Variants in WWOX observed in about 807,000 individuals in gnomAD.
The protein encoded by WWOX is WW domain containing oxidoreductase.
WWOX carries 69 observed loss-of-function variants against 46.2 expected under a neutral mutation model. The ratio of observed to expected loss-of-function variants is 1.49; its 90% confidence interval spans 1.23 to 1.82. WWOX has a LOEUF of 1.82. Among genes scored for constraint, WWOX ranks in the 40% most tolerant of loss-of-function variants. The probability of loss-of-function intolerance (pLI) is 0.00; values close to 1 mark genes in which losing one functional copy is unlikely to be tolerated. For missense variants in WWOX, 919 were observed against 542.6 expected, an observed-to-expected ratio of 1.69 and a Z score of -6.89; for synonymous variants, 359 against 202.6, an observed-to-expected ratio of 1.77 and a Z score of -6.56.
At chr16:78,190,000 C>G (rs1015861194) in intron 5 of WWOX, among the ~76,000 whole-genome samples, 1 of 152,182 alleles carries the variant, frequency 6.6e-6, no homozygotes, top group Non-Finnish European at 1.5e-5. Flanking sequence ...CCACCCAAAC[C>G]TTTCCTATTG....
At chr16:78,570,521 T>G (rs993330747) in intron 8 of WWOX, among the ~76,000 whole-genome samples, 1 of 152,038 alleles carries the variant, frequency 6.6e-6, no homozygotes, top group Non-Finnish European at 1.5e-5. Context: ...CGCTTGTTGC[T>G]CAGGCTGGTC....
At chr16:79,108,581 A>G (rs558389615) in intron 8 of WWOX, among the ~76,000 whole-genome samples, 1 of 152,236 alleles carries the variant, frequency 6.6e-6, no homozygotes, top group Non-Finnish European at 1.5e-5. Context: ...GGCTATTTTC[A>G]TCATCAAGAA....
intron 8 of WWOX, among the ~76,000 whole-genome samples, chr16:78,695,698 G>T (rs565164546): frequency 7.2e-5 from 11 of 152,212 alleles, no homozygotes; most frequent in Non-Finnish European, 1.6e-4. Context: ...ATGGATCAAA[G>T]GAATGAAGGA....
At chr16:79,111,735 A>G (rs2049420549) in intron 8 of WWOX, among the ~76,000 whole-genome samples, 1 of 152,156 alleles carries the variant, frequency 6.6e-6, no homozygotes, top group South Asian at 2.1e-4. Context: ...CACAGTGACA[A>G]AAGTATTTAG....
intron 8 of WWOX, among the ~76,000 whole-genome samples, chr16:78,736,819 G>C (rs1338123051): frequency 6.6e-6 from 1 of 152,030 alleles, no homozygotes; most frequent in Admixed American, 6.5e-5. Flanking sequence ...GTCTTGCCCT[G>C]GCTGGTCTCA....
At chr16:78,880,177 A>G (rs963585895) in intron 8 of WWOX, among the ~76,000 whole-genome samples, 10 of 152,206 alleles carry the variant, frequency 6.6e-5, no homozygotes, top group African/African-American at 2.2e-4. Context: ...GACATCAGAA[A>G]AGACAACAGT....
chr16:78,785,283 C>G (rs2050427273), intron 8 of WWOX, among the ~76,000 whole-genome samples: 1 of 152,218 alleles, frequency 6.6e-6, no homozygotes. Flanking sequence ...CAACCTTTGG[C>G]TGCAGAAATT....
intron 5 of WWOX, among the ~76,000 whole-genome samples, chr16:78,380,967 C>G (rs896641479): frequency 2.0e-5 from 3 of 152,040 alleles, no homozygotes; most frequent in Non-Finnish European, 1.5e-5. Flanking sequence ...ATCTAATCTT[C>G]ACTCTAACCA....
At chr16:78,690,962 C>G (rs756805244) in intron 8 of WWOX, among the ~76,000 whole-genome samples, 6 of 152,100 alleles carry the variant, frequency 3.9e-5, no homozygotes, top group Non-Finnish European at 7.4e-5. Flanking sequence ...TTTGTGAAAC[C>G]AGGCCTCAAT....
At chr16:79,129,665 A>G (rs553326811) in intron 8 of WWOX, among the ~76,000 whole-genome samples, 191 of 152,310 alleles carry the variant, frequency 1.3e-3, no homozygotes, top group African/African-American at 4.5e-3. Context: ...GCATCCCAAC[A>G]TTCCTTTATG....
Position 78,386,911 on chromosome 16 carries a change from G to C in WWOX, c.568G>C (p.Val190Leu). The C allele has an allele frequency of 6.2e-7, 1 of 1,614,104 alleles. No individual in the cohort carries two copies. The highest frequency in any genetic ancestry group is 8.5e-7 in the Non-Finnish European group (1 of 1,180,004). Residue 190 changes from valine (V) to leucine (L), a missense_variant, in exon 6 of 9, where the codon GTG becomes CTG. Physicochemically the swap from Val to Leu is conservative, Grantham distance 32 (BLOSUM62 1). Transcript: ENST00000566780. ...MTLDLALLRS[V>L]QHFAEAFKAK... ...CCTGGACCTCGCTCTGCTCCGTAGC[G>C]TGCAGCATTTTGCTGAAGCATTCAA...
intron 8 of WWOX, among the ~76,000 whole-genome samples, chr16:78,832,041 C>A (rs1050795427): frequency 2.6e-5 from 4 of 152,172 alleles, no homozygotes; most frequent in Non-Finnish European, 5.9e-5. Flanking sequence ...CAAATTACCC[C>A]AAAATGTAAG....
At chr16:78,104,792 T>C (rs2032037663) in intron 1 of WWOX, among the ~76,000 whole-genome samples, 1 of 152,212 alleles carries the variant, frequency 6.6e-6, no homozygotes, top group Non-Finnish European at 1.5e-5. Flanking sequence ...AAAAAAAGTC[T>C]TCTATTGAAA....
At chr16:78,159,671 G>GTTTTTTTTTTTTTTT (rs1343670783) in intron 4 of WWOX, among the ~76,000 whole-genome samples, 3 of 84,598 alleles carry the variant, frequency 3.5e-5, no homozygotes, top group African/African-American at 4.6e-5. Flanking sequence ...TAAAATCTGT[G>GTTTTTTTTTTTTTTT]GTTTTTTTTT....
intron 4 of WWOX, among the ~76,000 whole-genome samples, chr16:78,143,977 T>C (rs1337214395): frequency 6.6e-6 from 1 of 152,154 alleles, no homozygotes; most frequent in Non-Finnish European, 1.5e-5. Flanking sequence ...ATTTACATGT[T>C]GTAAAACCCA....
chr16:78,406,714 C>T (rs1009606516), intron 6 of WWOX, among the ~76,000 whole-genome samples: 1 of 151,484 alleles, frequency 6.6e-6, no homozygotes, highest in Non-Finnish European at 1.5e-5. Context: ...GCAACCTCCT[C>T]CTCCGGGGTT....
At position 78,453,707 on chromosome 16, in the gene WWOX, A is replaced by G. The variant is rs990840546; in HGVS notation, c.1056+20955A>G. Among the ~76,000 whole-genome samples, 11 of 152,078 alleles carry G rather than the reference A, an allele frequency of 7.2e-5. 1 individual carries two copies. The highest frequency in any genetic ancestry group is 3.9e-4 in the Admixed American group (6 of 15,266). On this transcript the variant is annotated intron_variant, in intron 8 of 8. Transcript: ENST00000566780. ...ATCAGTGCTGTATCAACACTGATCA[A>G]TTTTTTTCATGGAAGTGTAATACAG...
intron 5 of WWOX, among the ~76,000 whole-genome samples, chr16:78,284,949 T>C (rs2079742275): frequency 6.6e-6 from 1 of 152,220 alleles, no homozygotes; most frequent in African/African-American, 2.4e-5. Context: ...TTGGAAGCGG[T>C]CTCCTCTGCT....
intron 8 of WWOX, among the ~76,000 whole-genome samples, chr16:78,437,526 A>T (rs1432137733): frequency 6.6e-6 from 1 of 152,184 alleles, no homozygotes; most frequent in African/African-American, 2.4e-5. Flanking sequence ...ACAGGAATCA[A>T]TTCTCAGCAC....
Sources: allele counts gnomAD v4.1 joint callset (sites outside exome capture counted in the v4.1 genomes callset), GRCh38; gene constraint gnomAD v4.1.1; transcripts MANE v1.5; gene names NCBI Gene and HGNC (gene_info 2026-07-23, HGNC 2026-07-21).